The following FAM53B variants were observed in gnomAD, a reference collection of about 807,000 sequenced individuals.
FAM53B encodes protein FAM53B.
FAM53B carries 12 observed loss-of-function variants against 32.7 expected under a neutral mutation model. That is an observed-to-expected ratio of 0.37 (90% CI 0.24 to 0.59). The LOEUF is 0.59. Among genes scored for constraint, FAM53B ranks in the 20% least tolerant of loss-of-function variants. The pLI is 0.72. For missense variants in FAM53B, 477 were observed against 577.7 expected (o/e 0.83, Z 1.79); for synonymous variants, 234 against 228.7 (o/e 1.02, Z -0.21).
chr10:124,683,161 A>C (rs2134069340), intron 3 of FAM53B, among the ~76,000 whole-genome samples: 1 of 152,362 alleles, frequency 6.6e-6, no homozygotes, highest in South Asian at 2.1e-4. Context: ...ACACAAATAA[A>C]TAACCAACCC....
At chr10:124,710,398 C>T (rs922927338) in intron 1 of FAM53B, among the ~76,000 whole-genome samples, 2 of 152,208 alleles carry the variant, frequency 1.3e-5, no homozygotes, top group African/African-American at 2.4e-5. Flanking sequence ...GATCTGGGCA[C>T]GTTCTCAGAA....
chr10:124,668,611 G>A (rs568677359), intron 4 of FAM53B, among the ~76,000 whole-genome samples: 23 of 152,362 alleles, frequency 1.5e-4, no homozygotes, highest in African/African-American at 5.3e-4. Context: ...AGAAAGGCAC[G>A]ACAAGACCCA....
In FAM53B at chr10:124,635,122, T is replaced by G. The variant is rs556630871; in HGVS notation, c.907-11518A>C. 6.4e-4 allele frequency among the ~76,000 whole-genome samples: 97 copies of G among 152,336 alleles called. 1 individual carries two copies. Among genetic ancestry groups the G allele is most frequent in the Non-Finnish European group, 1.2e-3 (84 of 68,042 alleles). The stretch of plus-strand genomic sequence containing the variant: ...TATTTTTGTTTTTGGAGACAGAGTC[T>G]TGCTCTGTCACCCAGGCTGGAGTGC... On this transcript the variant is annotated intron_variant, in intron 4 of 4. Transcript: ENST00000337318.
chr10:124,698,881 T>C (rs1215815591), intron 2 of FAM53B, among the ~76,000 whole-genome samples: 1 of 152,044 alleles, frequency 6.6e-6, no homozygotes. Flanking sequence ...CCACTACCTC[T>C]CCTCCACAGC....
At chr10:124,633,184 C>T (rs567959351) in intron 4 of FAM53B, among the ~76,000 whole-genome samples, 28 of 149,620 alleles carry the variant, frequency 1.9e-4, no homozygotes, top group African/African-American at 6.4e-4. Flanking sequence ...CAAGAAGACA[C>T]GCCAGCAACA....
At chr10:124,667,251 T>C (rs1442436063) in intron 4 of FAM53B, 24 of 570,814 alleles carry the variant, frequency 4.2e-5, no homozygotes, top group East Asian at 1.8e-4. Context: ...TTGGAAATAC[T>C]GGGTTAAATA....
At chr10:124,623,679 G>T in intron 4 of FAM53B, 75 bp from the exon 5 acceptor site, 2 of 1,478,160 alleles carry the variant, frequency 1.4e-6, no homozygotes, top group East Asian at 4.7e-5. Flanking sequence ...ACCCCACAAA[G>T]CAACTAGACC....
intron 4 of FAM53B, among the ~76,000 whole-genome samples, chr10:124,640,030 T>G (rs1317862473): frequency 6.6e-6 from 1 of 152,054 alleles, no homozygotes; most frequent in Non-Finnish European, 1.5e-5. Flanking sequence ...ATACCAGAAT[T>G]CAGGATGGCA....
intron 1 of FAM53B, among the ~76,000 whole-genome samples, chr10:124,734,264 C>T (rs1238419832): frequency 1.3e-4 from 20 of 152,228 alleles, no homozygotes; most frequent in Non-Finnish European, 1.5e-4. Context: ...ATCAGACATT[C>T]GGTAGATCCA....
At chr10:124,702,785 C>A (rs940441894) in intron 2 of FAM53B, among the ~76,000 whole-genome samples, 4 of 152,148 alleles carry the variant, frequency 2.6e-5, no homozygotes, top group Non-Finnish European at 4.4e-5. Context: ...AAATGTAACC[C>A]CCAATGCTGG....
At chr10:124,725,337 C>T (rs1375694841) in intron 1 of FAM53B, among the ~76,000 whole-genome samples, 3 of 152,248 alleles carry the variant, frequency 2.0e-5, no homozygotes, top group Admixed American at 6.5e-5. Flanking sequence ...CCAGCAGCCC[C>T]GGCTGGGCTC....
chr10:124,687,402 G>A (rs1949809262), intron 3 of FAM53B, among the ~76,000 whole-genome samples: 1 of 152,190 alleles, frequency 6.6e-6, no homozygotes, highest in South Asian at 2.1e-4. Flanking sequence ...GAAAGGGCAA[G>A]GACCTGGGTT....
At chr10:124,648,444 G>C (rs1208974959) in intron 4 of FAM53B, among the ~76,000 whole-genome samples, 1 of 152,224 alleles carries the variant, frequency 6.6e-6, no homozygotes, top group East Asian at 1.9e-4. Context: ...TCCACCACCT[G>C]CCATAACATC....
At chr10:124,711,587 C>T (rs1039821083) in intron 1 of FAM53B, among the ~76,000 whole-genome samples, 1 of 152,156 alleles carries the variant, frequency 6.6e-6, no homozygotes, top group African/African-American at 2.4e-5. Context: ...ATTCATAGCA[C>T]TAACCACCAA....
chr10:124,628,752 T>C (rs922012129), intron 4 of FAM53B, among the ~76,000 whole-genome samples: 7 of 152,172 alleles, frequency 4.6e-5, no homozygotes, highest in African/African-American at 7.2e-5. Flanking sequence ...ACCCTTTCCC[T>C]TTGGGGTCAC....
At chr10:124,729,584 C>T (rs1277186762) in intron 1 of FAM53B, among the ~76,000 whole-genome samples, 1 of 152,188 alleles carries the variant, frequency 6.6e-6, no homozygotes, top group Non-Finnish European at 1.5e-5. Flanking sequence ...AGGTTTCCAT[C>T]CTGATTACAG....
intron 1 of FAM53B, among the ~76,000 whole-genome samples, chr10:124,707,140 C>A (rs770284066): frequency 3.3e-5 from 5 of 152,180 alleles, no homozygotes; most frequent in Non-Finnish European, 5.9e-5. Flanking sequence ...TGGGGTCCAG[C>A]CGCATGATAC....
chr10:124,639,180 GGATTCAGA>G (rs1453989361), intron 4 of FAM53B, among the ~76,000 whole-genome samples: 1 of 152,178 alleles, frequency 6.6e-6, no homozygotes, highest in Non-Finnish European at 1.5e-5. Context: ...TGGACCACAG[GGATTCAGA>G]GGTGGGCCAT....
intron 1 of FAM53B, among the ~76,000 whole-genome samples, chr10:124,738,106 G>T (rs1267253948): frequency 6.6e-6 from 1 of 151,788 alleles, no homozygotes; most frequent in African/African-American, 2.4e-5. Flanking sequence ...AGACAGAGCA[G>T]CAGCAGCAGC....
Sources: gnomAD v4.1 joint callset for allele counts (sites outside exome capture counted in the v4.1 genomes callset) on GRCh38, gnomAD v4.1.1 for gene constraint, MANE v1.5 for transcripts, NCBI Gene and HGNC (gene_info 2026-07-23, HGNC 2026-07-21) for gene names.